Variants in HERC3 observed in about 807,000 individuals in gnomAD.
HERC3 encodes probable E3 ubiquitin-protein ligase HERC3.
In HERC3, 58 loss-of-function variants were observed where a neutral mutation model predicts 129.9. The observed-to-expected ratio is 0.45, with a 90% CI of 0.36 to 0.56. The LOEUF (loss-of-function observed/expected upper bound fraction) is 0.56. HERC3 is among the 20% of genes least tolerant of loss of function. The probability of loss-of-function intolerance (pLI) is 0.00; values close to 1 mark genes in which losing one functional copy is unlikely to be tolerated. For missense variants in HERC3, 835 were observed against 1,244.2 expected (o/e 0.67, Z 4.95); for synonymous variants, 430 against 451.0 (o/e 0.95, Z 0.59).
the HERC3 span, among the ~76,000 whole-genome samples, chr4:88,581,705 G>C: frequency 1.3e-5 from 2 of 152,082 alleles, no homozygotes; most frequent in African/African-American, 2.4e-5. Context: ...GCCTGCCTTG[G>C]CCTCCCAAAG....
upstream of HERC3, among the ~76,000 whole-genome samples, chr4:88,591,346 T>A (rs942501420): frequency 6.6e-6 from 1 of 152,220 alleles, no homozygotes; most frequent in Non-Finnish European, 1.5e-5. Flanking sequence ...CTCAACACTG[T>A]CAGTCAGCCA....
the HERC3 span, among the ~76,000 whole-genome samples, chr4:88,559,139 T>C: frequency 6.6e-6 from 1 of 152,230 alleles, no homozygotes; most frequent in African/African-American, 2.4e-5. Context: ...ATTTTTTGAA[T>C]TTTTGTAATC....
the HERC3 span, among the ~76,000 whole-genome samples, chr4:88,570,407 A>G: frequency 2.0e-5 from 3 of 152,216 alleles, no homozygotes; most frequent in African/African-American, 7.2e-5. Context: ...TCTTATACAA[A>G]TGTTTCAAAA....
chr4:88,616,877 T>C (rs1724956005), intron 3 of HERC3, among the ~76,000 whole-genome samples: 1 of 152,086 alleles, frequency 6.6e-6, no homozygotes, highest in African/African-American at 2.4e-5. Context: ...GAGTGGAATT[T>C]TGTAGTGATG....
At chr4:88,610,652 T>C (rs571914513) in intron 3 of HERC3, among the ~76,000 whole-genome samples, 14 of 152,286 alleles carry the variant, frequency 9.2e-5, no homozygotes, top group African/African-American at 3.4e-4. Flanking sequence ...GCAGCCTCAC[T>C]GCAGAGTCAG....
chr4:88,584,341 C>A, the HERC3 span, among the ~76,000 whole-genome samples: 4 of 152,292 alleles, frequency 2.6e-5, no homozygotes, highest in East Asian at 7.7e-4. Context: ...ACATTCTAAG[C>A]CATTTACCCT....
At chr4:88,643,929 C>T (rs1376497359) in intron 3 of HERC3, among the ~76,000 whole-genome samples, 2 of 152,084 alleles carry the variant, frequency 1.3e-5, no homozygotes, top group Non-Finnish European at 2.9e-5. Flanking sequence ...AATGAAAAAA[C>T]AACTCAATAG....
chr4:88,694,827 T>TTTTA (rs146859002), intron 23 of HERC3, among the ~76,000 whole-genome samples: 2 of 152,310 alleles, frequency 1.3e-5, no homozygotes, highest in Non-Finnish European at 2.9e-5. Flanking sequence ...GATTTCTTAT[T>TTTTA]TTTACTCTGA....
chr4:88,531,040 T>C, the HERC3 span, among the ~76,000 whole-genome samples: 1 of 152,036 alleles, frequency 6.6e-6, no homozygotes, highest in Non-Finnish European at 1.5e-5. Flanking sequence ...GTATTTTTAA[T>C]GGAGATGGGG....
chr4:88,584,905 G>A, the HERC3 span, among the ~76,000 whole-genome samples: 1 of 152,190 alleles, frequency 6.6e-6, no homozygotes, highest in African/African-American at 2.4e-5. Context: ...GAATGGAATA[G>A]CATATTTCAC....
At chr4:88,689,647 G>A (rs575094344) in intron 23 of HERC3, among the ~76,000 whole-genome samples, 12 of 150,242 alleles carry the variant, frequency 8.0e-5, no homozygotes, top group African/African-American at 2.7e-4. Context: ...GTGCAATCTC[G>A]GCTCACTGCA....
intron 22 of HERC3, 22 bp from the exon 23 acceptor site, chr4:88,687,195 C>A (rs977277547): frequency 7.6e-6 from 12 of 1,577,410 alleles, no homozygotes; most frequent in African/African-American, 4.1e-5. Flanking sequence ...TGAAATATTT[C>A]TTTTTTCCAC....
chr4:88,672,332 CAG>C (rs1301789197), intron 16 of HERC3, among the ~76,000 whole-genome samples: 1 of 152,066 alleles, frequency 6.6e-6, no homozygotes, highest in Non-Finnish European at 1.5e-5. Context: ...TCTTGAATAA[CAG>C]ATGCTCATCT....
At chr4:88,702,367 G>T (rs998843848) in intron 23 of HERC3, among the ~76,000 whole-genome samples, 2 of 152,200 alleles carry the variant, frequency 1.3e-5, no homozygotes, top group Non-Finnish European at 2.9e-5. Flanking sequence ...CAGGCATGGA[G>T]AAGTTAAATA....
At chr4:88,667,802 G>T in intron 13 of HERC3, 90 bp from the exon 14 acceptor site, 1 of 946,804 alleles carries the variant, frequency 1.1e-6, no homozygotes, top group East Asian at 2.4e-5. Context: ...AATGAGAGTT[G>T]AGAGTCTATC....
the HERC3 span, among the ~76,000 whole-genome samples, chr4:88,577,605 G>GTGTATATATATATATATA: frequency 1.3e-3 from 167 of 131,860 alleles, 9 homozygotes; most frequent in African/African-American, 6.2e-3. Context: ...GTATGTGTGT[G>GTGTATATATATATATATA]TATATATATA....
At chr4:88,679,644 C>T (rs188932228) in intron 19 of HERC3, among the ~76,000 whole-genome samples, 5 of 151,978 alleles carry the variant, frequency 3.3e-5, no homozygotes, top group East Asian at 3.9e-4. Flanking sequence ...CTCAGCCTCC[C>T]GAGTAGTGGA....
chr4:88,589,980 T>G (rs1246783937), upstream of HERC3, among the ~76,000 whole-genome samples: 2 of 152,172 alleles, frequency 1.3e-5, no homozygotes. Flanking sequence ...TGAAAAACAC[T>G]TGAGCCGGCC....
At chr4:88,676,127 CTG>C (rs948452471) in intron 16 of HERC3, 89 bp from the exon 17 acceptor site, 21 of 936,174 alleles carry the variant, frequency 2.2e-5, no homozygotes, top group South Asian at 3.1e-5. Context: ...CAGATTGGTT[CTG>C]TGTTTTGTTA....
Sources: allele counts gnomAD v4.1 joint callset (sites outside exome capture counted in the v4.1 genomes callset), GRCh38; gene constraint gnomAD v4.1.1; transcripts MANE v1.5; gene names NCBI Gene and HGNC (gene_info 2026-07-23, HGNC 2026-07-21).